The following HECW1 variants were observed in gnomAD, a reference collection of about 807,000 sequenced individuals.
HECW1 encodes the protein E3 ubiquitin-protein ligase HECW1.
A neutral mutation model predicts 182.3 loss-of-function variants in HECW1; 61 were observed. That is an observed-to-expected ratio of 0.33 (90% CI 0.27 to 0.41). The LOEUF is 0.41. HECW1 is among the 10% of genes least tolerant of loss of function. HECW1 has a pLI of 1.00. For missense variants in HECW1, 1,739 were observed against 2,108.9 expected (o/e 0.82, Z 3.44); for synonymous variants, 859 against 832.6 (o/e 1.03, Z -0.55).
intron 19 of HECW1, among the ~76,000 whole-genome samples, chr7:43,495,190 C>T (rs2079070715): frequency 6.6e-6 from 1 of 152,058 alleles, no homozygotes; most frequent in Non-Finnish European, 1.5e-5. Flanking sequence ...GGTATACATG[C>T]ACCATGGTGG....
chr7:43,142,492 C>A (rs566496146), intron 2 of HECW1, among the ~76,000 whole-genome samples: 12 of 152,230 alleles, frequency 7.9e-5, no homozygotes, highest in African/African-American at 1.9e-4. Context: ...CTGCTGTGCC[C>A]ACCAGTCCTG....
intron 17 of HECW1, among the ~76,000 whole-genome samples, chr7:43,491,158 T>C (rs1256520350): frequency 6.6e-6 from 1 of 152,218 alleles, no homozygotes; most frequent in African/African-American, 2.4e-5. Flanking sequence ...TGAACCAAGA[T>C]ATTGGAAGCA....
chr7:43,336,583 G>A (rs1469800843), intron 5 of HECW1, among the ~76,000 whole-genome samples: 1 of 152,036 alleles, frequency 6.6e-6, no homozygotes, highest in African/African-American at 2.4e-5. Context: ...AGGGGTACAT[G>A]GCTTGTTTGT....
intron 11 of HECW1, among the ~76,000 whole-genome samples, chr7:43,450,344 T>C (rs901930290): frequency 1.3e-5 from 2 of 152,058 alleles, no homozygotes; most frequent in African/African-American, 4.8e-5. Context: ...TTCATTCCCC[T>C]CAAAAATCTG....
intron 2 of HECW1, among the ~76,000 whole-genome samples, chr7:43,173,345 T>C (rs150974067): frequency 4.6e-5 from 7 of 152,306 alleles, no homozygotes; most frequent in African/African-American, 1.4e-4. Flanking sequence ...ATAGAAAGTT[T>C]GGGTTTCTCC....
At chr7:43,296,366 T>G (rs985043322) in intron 3 of HECW1, among the ~76,000 whole-genome samples, 2 of 152,236 alleles carry the variant, frequency 1.3e-5, no homozygotes, top group Non-Finnish European at 2.9e-5. Context: ...TGGACTTCTC[T>G]CAGGCCTTTG....
At chr7:43,310,627 C>T (rs1808389097) in intron 3 of HECW1, among the ~76,000 whole-genome samples, 1 of 152,162 alleles carries the variant, frequency 6.6e-6, no homozygotes, top group African/African-American at 2.4e-5. Context: ...TTTACAACAT[C>T]CTGGTCTTGG....
chr7:43,182,364 T>C (rs773959135), intron 2 of HECW1, among the ~76,000 whole-genome samples: 1 of 152,264 alleles, frequency 6.6e-6, no homozygotes, highest in Admixed American at 6.5e-5. Context: ...TTCATTCTTC[T>C]GCCTGTGGAC....
intron 26 of HECW1, among the ~76,000 whole-genome samples, chr7:43,542,447 T>A (rs917800707): frequency 2.6e-5 from 4 of 151,722 alleles, no homozygotes; most frequent in African/African-American, 9.6e-5. Flanking sequence ...CAAATATATA[T>A]AGTATTCTTC....
intron 5 of HECW1, among the ~76,000 whole-genome samples, chr7:43,335,674 ATCTT>A (rs1279510470): frequency 5.9e-5 from 9 of 152,138 alleles, no homozygotes; most frequent in African/African-American, 9.6e-5. Context: ...AATATTTGGA[ATCTT>A]TCTTTCTTTT....
At chr7:43,387,804 C>T (rs553025613) in intron 6 of HECW1, among the ~76,000 whole-genome samples, 1 of 152,310 alleles carries the variant, frequency 6.6e-6, no homozygotes, top group South Asian at 2.1e-4. Context: ...ACCTCGTGGG[C>T]CCCTTGATTG....
intron 6 of HECW1, among the ~76,000 whole-genome samples, chr7:43,385,515 CT>C: frequency 6.6e-6 from 1 of 150,922 alleles, no homozygotes; most frequent in Admixed American, 6.6e-5. Flanking sequence ...CTCACATGGT[CT>C]TGGTAAAGCC....
intron 3 of HECW1, among the ~76,000 whole-genome samples, chr7:43,278,602 C>T (rs1404512590): frequency 6.6e-6 from 1 of 152,108 alleles, no homozygotes; most frequent in African/African-American, 2.4e-5. Context: ...GTGATCTGAT[C>T]CCCCTTTTGC....
chr7:43,275,989 T>C (rs979456767), intron 3 of HECW1, among the ~76,000 whole-genome samples: 1 of 152,240 alleles, frequency 6.6e-6, no homozygotes, highest in Admixed American at 6.5e-5. Context: ...TCAATACTTG[T>C]ACTGGAAGAC....
chr7:43,282,015 T>C (rs1274979817), intron 3 of HECW1, among the ~76,000 whole-genome samples: 1 of 152,200 alleles, frequency 6.6e-6, no homozygotes, highest in African/African-American at 2.4e-5. Flanking sequence ...CCAGCTGTCA[T>C]AGAGCAATGT....
chr7:43,336,344 T>A (rs991651788), intron 5 of HECW1, among the ~76,000 whole-genome samples: 4 of 151,088 alleles, frequency 2.6e-5, no homozygotes, highest in Admixed American at 1.3e-4. Flanking sequence ...TAAAAAAAAA[T>A]TTTTTTTAGA....
chr7:43,204,789 G>A (rs1415894099), intron 2 of HECW1, among the ~76,000 whole-genome samples: 4 of 152,134 alleles, frequency 2.6e-5, no homozygotes, highest in African/African-American at 9.7e-5. Flanking sequence ...CTTACCTGGA[G>A]GAGAAACAAA....
At chr7:43,429,333 T>TAC (rs1214533219) in intron 8 of HECW1, among the ~76,000 whole-genome samples, 14 of 112,996 alleles carry the variant, frequency 1.2e-4, no homozygotes, top group African/African-American at 1.7e-4. Flanking sequence ...TATATATATA[T>TAC]ATACATATAT....
At chr7:43,386,980 C>T (rs1327899982) in intron 6 of HECW1, among the ~76,000 whole-genome samples, 1 of 152,166 alleles carries the variant, frequency 6.6e-6, no homozygotes, top group Non-Finnish European at 1.5e-5. Context: ...GCATGCCAGG[C>T]AACGCATTTG....
Sources: allele counts gnomAD v4.1 joint callset (sites outside exome capture counted in the v4.1 genomes callset), GRCh38; gene constraint gnomAD v4.1.1; transcripts MANE v1.5; gene names NCBI Gene and HGNC (gene_info 2026-07-23, HGNC 2026-07-21).